The following DNAI4 variants were observed in gnomAD, a reference collection of about 807,000 sequenced individuals.
DNAI4 encodes the protein dynein axonemal intermediate chain 4.
In DNAI4, 85 loss-of-function variants were observed where a neutral mutation model predicts 105.8. The ratio of observed to expected loss-of-function variants is 0.80; its 90% CI spans 0.67 to 0.96. The LOEUF is 0.96. DNAI4 is among the 40% of genes least tolerant of loss of function. The pLI, the probability that DNAI4 is intolerant of heterozygous loss-of-function variation, is 0.00. For synonymous variants in DNAI4, 352 were observed against 331.5 expected (o/e 1.06, Z -0.67); for missense variants, 1,014 against 1,005.6 (o/e 1.01, Z -0.11).
At chr1:66,825,928 A>T (rs186586867) in intron 15 of DNAI4, among the ~76,000 whole-genome samples, 7 of 152,340 alleles carry the variant, frequency 4.6e-5, no homozygotes, top group African/African-American at 9.6e-5. Flanking sequence ...GCATAAAGAT[A>T]TATTATAATT....
At chr1:66,859,408 G>A (rs1371572936) in intron 7 of DNAI4, among the ~76,000 whole-genome samples, 1 of 151,974 alleles carries the variant, frequency 6.6e-6, no homozygotes, top group East Asian at 1.9e-4. Flanking sequence ...AAAAGGCTAG[G>A]GATACTCTTA....
At chr1:66,842,358 C>T (rs569323713) in intron 8 of DNAI4, among the ~76,000 whole-genome samples, 23 of 151,998 alleles carry the variant, frequency 1.5e-4, no homozygotes, top group Non-Finnish European at 2.8e-4. Context: ...CTAAATCATA[C>T]GGTAAGAGTA....
chr1:66,876,058 A>T (rs1646952213), intron 4 of DNAI4, among the ~76,000 whole-genome samples: 1 of 152,036 alleles, frequency 6.6e-6, no homozygotes, highest in Non-Finnish European at 1.5e-5. Context: ...GTTTTGGGTG[A>T]TTCTTCTTTT....
At chr1:66,921,579 G>A (rs1283692220) in intron 1 of DNAI4, among the ~76,000 whole-genome samples, 1 of 152,196 alleles carries the variant, frequency 6.6e-6, no homozygotes, top group African/African-American at 2.4e-5. Context: ...CAACATTTAA[G>A]AAACTCCCAA....
At chr1:66,887,703 G>T (rs1452857578) in intron 4 of DNAI4, among the ~76,000 whole-genome samples, 1 of 152,098 alleles carries the variant, frequency 6.6e-6, no homozygotes, top group Non-Finnish European at 1.5e-5. Context: ...TCCAGAAGTG[G>T]TGGCTCACAC....
At chr1:66,914,481 A>G (rs1308218991) in intron 1 of DNAI4, among the ~76,000 whole-genome samples, 2 of 152,206 alleles carry the variant, frequency 1.3e-5, no homozygotes, top group Admixed American at 6.5e-5. Context: ...TATGTGCATT[A>G]AAAAGACTTT....
chr1:66,835,804 A>G (rs749441142), intron 10 of DNAI4, 27 bp from the exon 11 acceptor site: 1 of 1,609,860 alleles, frequency 6.2e-7, no homozygotes, highest in African/African-American at 1.3e-5. Context: ...TACATTTTCA[A>G]TTTGTTTTTG....
intron 7 of DNAI4, among the ~76,000 whole-genome samples, chr1:66,852,016 G>T (rs141933333): frequency 3.8e-4 from 58 of 151,828 alleles, no homozygotes; most frequent in Admixed American, 2.0e-3. Context: ...CCAGCAGACT[G>T]ACAAAGACAA....
Position 66,835,625 on chromosome 1 carries a change from C to A in DNAI4, c.1733+1G>T, listed in dbSNP as rs773009804. The A allele has an allele frequency of 1.5e-5, 25 of 1,613,426 alleles. No individual in the cohort carries two copies. Among genetic ancestry groups the A allele is most frequent in the Non-Finnish European group, 1.9e-5 (23 of 1,179,778 alleles). ...CATTTATCTAATTCTCGGATTCTTA[C>A]CTACTATCCAGAACTGGAACATTAC... On this transcript the variant is annotated splice_donor_variant, in intron 11 of 16. Transcript: ENST00000371026. LOFTEE classifies it high-confidence loss of function.
chr1:66,826,795 T>A (rs36067642), intron 15 of DNAI4, 25 bp downstream of exon 15: 798,295 of 1,605,570 alleles, frequency 0.5, 201,695 homozygotes, highest in South Asian at 0.59. Flanking sequence ...CTACTAAAAT[T>A]TATGCAAGAA....
intron 1 of DNAI4, among the ~76,000 whole-genome samples, chr1:66,914,011 C>CG (rs1185249137): frequency 6.7e-6 from 1 of 149,190 alleles, no homozygotes; most frequent in Non-Finnish European, 1.5e-5. Flanking sequence ...AAGGTGGAAA[C>CG]GACTCAGTGG....
chr1:66,902,861 A>T lies in DNAI4; in HGVS notation c.345+2340T>A, dbSNP rs139515356. ...AAAACCATTTGACCATATATGTGAA[A>T]TTTTATTTCTGGGCCATTCCATTCC... On this transcript the variant is annotated intron_variant, in intron 2 of 16. Coordinates refer to ENST00000371026, the MANE Select transcript of DNAI4 (RefSeq NM_024763.5). 3.8e-3 allele frequency among the ~76,000 whole-genome samples: 575 copies of T among 152,276 alleles called. 3 individuals are homozygous for T. Among genetic ancestry groups the T allele is most frequent in the African/African-American group, 0.013 (529 of 41,552 alleles).
chr1:66,859,720 G>C (rs577797991), intron 7 of DNAI4, among the ~76,000 whole-genome samples: 1 of 152,256 alleles, frequency 6.6e-6, no homozygotes, highest in East Asian at 1.9e-4. Flanking sequence ...CATATTGTAT[G>C]ACTCCAACTA....
chr1:66,834,206 T>C, intron 11 of DNAI4, 58 bp from the exon 12 acceptor site: 1 of 1,394,084 alleles, frequency 7.2e-7, no homozygotes, highest in East Asian at 2.7e-5. Flanking sequence ...CTTAAAGGCC[T>C]TGGAGTATAA....
At chr1:66,889,987 G>C (rs1647457560) in intron 4 of DNAI4, among the ~76,000 whole-genome samples, 2 of 152,126 alleles carry the variant, frequency 1.3e-5, no homozygotes, top group South Asian at 4.1e-4. Context: ...TTATGGAACT[G>C]ATCACAAATG....
At chr1:66,843,949 G>GA (rs1646210476) in intron 8 of DNAI4, among the ~76,000 whole-genome samples, 2 of 151,136 alleles carry the variant, frequency 1.3e-5, no homozygotes, top group African/African-American at 2.4e-5. Context: ...TATTAGACAA[G>GA]AAAAAAATGT....
chr1:66,871,607 T>C (rs1289223226), intron 5 of DNAI4, 98 bp from the exon 6 acceptor site: 17 of 1,260,910 alleles, frequency 1.3e-5, no homozygotes, highest in Non-Finnish European at 1.8e-5. Flanking sequence ...CTTTCCTTAA[T>C]GTGGCTTGCA....
At chr1:66,833,094 T>C (rs1314971267) in intron 13 of DNAI4, among the ~76,000 whole-genome samples, 1 of 152,154 alleles carries the variant, frequency 6.6e-6, no homozygotes, top group Non-Finnish European at 1.5e-5. Context: ...CAGAAATATA[T>C]ACCTCTCATC....
At chr1:66,854,977 G>A (rs747158643) in intron 7 of DNAI4, among the ~76,000 whole-genome samples, 2 of 152,080 alleles carry the variant, frequency 1.3e-5, no homozygotes, top group African/African-American at 2.4e-5. Context: ...GCTAACCCTG[G>A]AGGAACTGCC....
Sources: gnomAD v4.1 joint callset for allele counts (sites outside exome capture counted in the v4.1 genomes callset) on GRCh38, gnomAD v4.1.1 for gene constraint, MANE v1.5 for transcripts, NCBI Gene and HGNC (gene_info 2026-07-23, HGNC 2026-07-21) for gene names.